PACS2: variants seen among roughly 807,000 people sequenced by gnomAD.
The protein encoded by PACS2 is phosphofurin acidic cluster sorting protein 2.
PACS2 carries 36 observed loss-of-function variants against 113.0 expected under a neutral mutation model. The observed-to-expected ratio is 0.32, with a 90% CI of 0.24 to 0.42. PACS2 has a LOEUF of 0.42. Ranked by LOEUF, PACS2 falls within the 10% of genes least tolerant of loss-of-function variation. The pLI, the probability that PACS2 is intolerant of heterozygous loss-of-function variation, is 1.00. For missense variants in PACS2, 1,015 were observed against 1,239.5 expected (o/e 0.82, Z 2.72); for synonymous variants, 589 against 536.1 (o/e 1.10, Z -1.36).
rs2141067305 is a variant in PACS2, at chr14:105,357,485, C to T, written c.423+2308C>T. 6.6e-6 allele frequency among the ~76,000 whole-genome samples: 1 copy of T among 152,228 alleles called. No individual in the cohort carries two copies. Among genetic ancestry groups the T allele is most frequent in the East Asian group, 1.9e-4 (1 of 5,158 alleles). On this transcript the variant is annotated intron_variant, in intron 4 of 24. Transcript: ENST00000447393. This position sits in a 1 kb window ranked among gnomAD's most constrained non-coding sequence, Gnocchi z 5.1. ...CTCCCCTCCAGCATCTCCTCCAGGC[C>T]CTCGGGGCATCCTTCCACCTTCCAC... is the stretch of plus-strand genomic sequence containing the variant.
rs587703390 is a variant in PACS2, at chr14:105,329,234, G to A, written c.119+14197G>A. Among the ~76,000 whole-genome samples the A allele has an allele frequency of 6.8e-4, 103 of 152,318 alleles. No homozygotes were observed. The highest frequency in any genetic ancestry group is 2.3e-3 in the African/African-American group (94 of 41,570). ...GGATGGGCTGCACAGAAGCCTTTCCGGGGGTGCCTGTGGTTTGCAGGGGCC... is the reference window on the plus strand; with the variant it reads ...GGATGGGCTGCACAGAAGCCTTTCCAGGGGTGCCTGTGGTTTGCAGGGGCC... On this transcript the variant is annotated intron_variant, in intron 1 of 24. Transcript: ENST00000447393. The surrounding 1 kb of genome is among the most constrained non-coding windows in gnomAD (Gnocchi z 6.4).
At position 105,354,837 on chromosome 14, in the gene PACS2, C is replaced by T. The variant is rs1555404993; in HGVS notation, c.298-215C>T. Among the ~76,000 whole-genome samples, 1 of 152,244 alleles carries T rather than the reference C, an allele frequency of 6.6e-6. No homozygotes were observed. Among genetic ancestry groups the T allele is most frequent in the Admixed American group, 6.5e-5 (1 of 15,288 alleles). On this transcript the variant is annotated intron_variant, in intron 3 of 24. Coordinates refer to ENST00000447393, the MANE Select transcript of PACS2 (RefSeq NM_001100913.3). This position sits in a 1 kb window ranked among gnomAD's most constrained non-coding sequence, Gnocchi z 4.2. ...GCCCTCAGGGCCTGAGCTCTGGCGA[C>T]TGGCTCACTCTTGATTGTGTTGGGT...
chr14:105,322,248 A>G (rs1595565848), intron 1 of PACS2, among the ~76,000 whole-genome samples: 2 of 145,162 alleles, frequency 1.4e-5, no homozygotes, highest in African/African-American at 5.1e-5. Context: ...TTTTATTTTT[A>G]TTTTTTATTT....
At chr14:105,371,339 C>G (rs1356417912) in intron 8 of PACS2, 1 of 152,306 alleles carries the variant, frequency 6.6e-6, no homozygotes, top group East Asian at 1.9e-4. Flanking sequence ...GAATCTTGAC[C>G]GTGGGGTTCT....
intron 4 of PACS2, among the ~76,000 whole-genome samples, chr14:105,363,303 ATCT>A (rs2060803288): frequency 6.6e-6 from 1 of 152,216 alleles, no homozygotes; most frequent in Non-Finnish European, 1.5e-5. Flanking sequence ...CCTAGATGGC[ATCT>A]TCTTCCAATG....
At chr14:105,384,831 A>G (rs1595164242) in intron 17 of PACS2, 48 bp from the exon 18 acceptor site, 1 of 1,267,488 alleles carries the variant, frequency 7.9e-7, no homozygotes, top group Non-Finnish European at 1.1e-6. Flanking sequence ...CCCGCCTGCA[A>G]CCCCACCTGG....
At chr14:105,337,737 G>C (rs2059579410) in intron 1 of PACS2, among the ~76,000 whole-genome samples, 1 of 152,214 alleles carries the variant, frequency 6.6e-6, no homozygotes, top group African/African-American at 2.4e-5. Context: ...AACCTCTCCA[G>C]ACCTGCCCCT....
At chr14:105,339,092 G>A (rs186576141) in intron 1 of PACS2, among the ~76,000 whole-genome samples, 5 of 152,326 alleles carry the variant, frequency 3.3e-5, no homozygotes, top group African/African-American at 7.2e-5. Flanking sequence ...CTGGGGACCC[G>A]TGGCTGTCAC....
intron 4 of PACS2, among the ~76,000 whole-genome samples, chr14:105,360,542 C>CA (rs60526490): frequency 0.15 from 15,105 of 101,720 alleles, 1,948 homozygotes; most frequent in African/African-American, 0.37. Context: ...GACTTCCTCT[C>CA]AAAAAAAAAA....
rs1036421976 is a variant in PACS2, at chr14:105,309,393, C to T, written c.-83+8414C>T. ...TGTTGCTAAAACTGAGGCAGCGTTCCGTTTTGCTGGTTATTCCACATCCCA... is the reference window on the plus strand; with the variant it reads ...TGTTGCTAAAACTGAGGCAGCGTTCTGTTTTGCTGGTTATTCCACATCCCA... On this transcript the variant is annotated intron_variant, in intron 1 of 23. Transcript: ENST00000430725. This position sits in a 1 kb window ranked among gnomAD's most constrained non-coding sequence, Gnocchi z 4.0. Among the ~76,000 whole-genome samples the T allele has an allele frequency of 7.2e-5, 11 of 152,172 alleles. No homozygotes were observed. The highest frequency in any genetic ancestry group is 2.7e-4 in the African/African-American group (11 of 41,434).
chr14:105,339,318 C>T (rs1310539071), intron 1 of PACS2, among the ~76,000 whole-genome samples: 1 of 150,930 alleles, frequency 6.6e-6, no homozygotes, highest in African/African-American at 2.4e-5. Context: ...ATCAGCCTGG[C>T]CAACATGAGA....
At chr14:105,312,336 T>C (rs2140711185), upstream of PACS2, among the ~76,000 whole-genome samples, 1 of 152,336 alleles carries the variant, frequency 6.6e-6, no homozygotes, top group Middle Eastern at 3.4e-3. Flanking sequence ...ACTTCTTAAA[T>C]AATAATAACT....
At chr14:105,390,817 A>G (rs2081330712) in intron 20 of PACS2, 2 of 282,654 alleles carry the variant, frequency 7.1e-6, no homozygotes, top group South Asian at 9.5e-5. Context: ...CTGCGGTGTC[A>G]CTGGGATTCA....
rs587621472 is a variant in PACS2, at chr14:105,385,084, C to T, written c.2000+97C>T. 1,728 of 802,826 alleles carry T rather than the reference C, an allele frequency of 2.2e-3. 25 individuals carry two copies. The African/African-American group carries it at 0.026, about 12-fold the overall frequency. The allele number at this position is 802,826 out of a possible 1,614,324, so 49.7% of individuals were successfully genotyped here. A position where few individuals can be genotyped will look rare whatever the true frequency, so the allele number is the denominator to read the frequency against. ...CGCTGCTGGGCTTGGCCTGGTGGGC[C>T]GCAGAGCCCTGCACCGGGCTTAGAC... On this transcript the variant is annotated intron_variant, in intron 18 of 24. Transcript: ENST00000447393.
intron 22 of PACS2, 113 bp downstream of exon 22, chr14:105,391,879 G>A (rs909449152): frequency 1.6e-5 from 18 of 1,137,712 alleles, no homozygotes; most frequent in Non-Finnish European, 2.1e-5. Context: ...TGGCCTGTCA[G>A]CCACGAAGGC....
chr14:105,368,158 G>C lies in PACS2; in HGVS notation c.660+11G>C, dbSNP rs1555408429. ...GCCGTGCAGGGGCAGGTGACCTGGG[G>C]CCGGGGCTCCGCGCCCTCTCCTGGC... On this transcript the variant is annotated intron_variant, in intron 6 of 24. Coordinates refer to ENST00000447393, the MANE Select transcript of PACS2 (RefSeq NM_001100913.3). 6.3e-7 allele frequency: 1 copy of C among 1,594,862 alleles called. No homozygotes were observed. Among genetic ancestry groups the C allele is most frequent in the Admixed American group, 1.7e-5 (1 of 59,984 alleles).
chr14:105,386,434 G>A (rs1555413591), intron 19 of PACS2, among the ~76,000 whole-genome samples: 1 of 152,064 alleles, frequency 6.6e-6, no homozygotes. Context: ...TCCAAATGGG[G>A]GTAAAGAGTT....
chr14:105,359,650 G>T, intron 4 of PACS2, among the ~76,000 whole-genome samples: 1 of 141,006 alleles, frequency 7.1e-6, no homozygotes. Context: ...GGAGTGCAGT[G>T]CCGCAATCTC....
In PACS2 at chr14:105,380,251, G is replaced by A. The variant is rs925462649; in HGVS notation, c.1125+97G>A. On this transcript the variant is annotated intron_variant, in intron 11 of 24. Coordinates refer to ENST00000447393, the MANE Select transcript of PACS2 (RefSeq NM_001100913.3). ...CTGGAGGGGCGGGGCCCACATATAG[G>A]TCCTCATGTCACACCTGGTGTGCAG... The A allele has an allele frequency of 1.5e-4, 147 of 984,832 alleles. 1 individual carries two copies. The Middle Eastern group carries it at 1.7e-3, about 11-fold the overall frequency. The allele number at this position is 984,832 out of a possible 1,614,324, so 61.0% of individuals were successfully genotyped here.
Sources: allele counts gnomAD v4.1 joint callset (sites outside exome capture counted in the v4.1 genomes callset), GRCh38; gene constraint gnomAD v4.1.1; non-coding constraint Gnocchi (gnomAD v3.1); transcripts MANE v1.5; gene names NCBI Gene and HGNC (gene_info 2026-07-23, HGNC 2026-07-21).